IPO11: variants seen among roughly 807,000 people sequenced by gnomAD.
The protein encoded by IPO11 is importin 11.
IPO11 carries 66 observed loss-of-function variants against 143.2 expected under a neutral mutation model. The observed-to-expected ratio is 0.46, with a 90% CI of 0.38 to 0.57. The LOEUF (loss-of-function observed/expected upper bound fraction) is 0.57, where lower values mean the gene tolerates loss of function less well. IPO11 is among the 20% of genes least tolerant of loss of function. The probability of loss-of-function intolerance (pLI) is 0.00; values close to 1 mark genes in which losing one functional copy is unlikely to be tolerated. For missense variants in IPO11, 1,026 were observed against 1,141.0 expected (o/e 0.90, Z 1.45); for synonymous variants, 385 against 377.8 (o/e 1.02, Z -0.22).
intron 5 of IPO11, among the ~76,000 whole-genome samples, chr5:62,459,317 A>G (rs554874147): frequency 9.6e-4 from 146 of 152,268 alleles, no homozygotes; most frequent in African/African-American, 3.5e-3. Flanking sequence ...CATGTAAGTA[A>G]CAAATGCTAT....
intron 16 of IPO11, among the ~76,000 whole-genome samples, chr5:62,495,907 A>C (rs927171399): frequency 2.0e-5 from 3 of 152,224 alleles, no homozygotes; most frequent in Non-Finnish European, 4.4e-5. Flanking sequence ...ACTGGAGAGA[A>C]AGGGATTCAT....
At chr5:62,604,674 C>T (rs998311890) in intron 29 of IPO11, among the ~76,000 whole-genome samples, 3 of 151,768 alleles carry the variant, frequency 2.0e-5, no homozygotes, top group African/African-American at 7.3e-5. Context: ...TTTAAGTGGC[C>T]GATTTTAAGT....
rs570795129 is a variant in IPO11 at position 62,415,962 on chromosome 5, A to G, written c.-7+3033A>G. On this transcript the variant is annotated intron_variant, in intron 1 of 29. Transcript: ENST00000325324. ...CCTTCATGTGTTTGCTAGGGCCGCC[A>G]CAACAAAATACCTTATATTGGGTAG... 9.2e-5 allele frequency among the ~76,000 whole-genome samples: 14 copies of G among 152,226 alleles called. No individual in the cohort carries two copies. The Middle Eastern group carries it at 0.01, about 111-fold the overall frequency.
rs183071814 is a variant in IPO11, at chr5:62,477,412, T to C, written c.828+659T>C. Among the ~76,000 whole-genome samples, 5 of 152,250 alleles carry C rather than the reference T, an allele frequency of 3.3e-5. No individual in the cohort carries two copies. The East Asian group carries it at 9.7e-4, about 29-fold the overall frequency. On this transcript the variant is annotated intron_variant, in intron 9 of 29. Transcript: ENST00000325324. ...TAAAGATTCAATAATAGGGTAGGGG[T>C]TGCTTATTCCCTGGGAGGGGAGTAA...
rs138722983 is a variant in IPO11 at position 62,555,479 on chromosome 5, ATTATTTAT to A, written c.2460+4178_2460+4185del. On this transcript the variant is annotated intron_variant, in intron 26 of 29. Transcript: ENST00000325324. ...AGATGCGTGCCACCACACCTGGCTA[ATTATTTAT>A]TTATTTATTTATTTATTTATTTATT... 5.6e-3 allele frequency among the ~76,000 whole-genome samples: 767 copies of A among 137,244 alleles called. 7 individuals are homozygous for A. The highest frequency in any genetic ancestry group is 7.4e-3 in the Non-Finnish European group (477 of 64,358). 90.0% of individuals were successfully genotyped at this position (137,244 alleles called of 152,430 possible). A position where few individuals can be genotyped will look rare whatever the true frequency, so the allele number is the denominator to read the frequency against.
At chr5:62,540,306 A>G (rs537786221) in intron 24 of IPO11, among the ~76,000 whole-genome samples, 118 of 152,278 alleles carry the variant, frequency 7.7e-4, no homozygotes, top group Admixed American at 2.3e-3. Context: ...GAGTGATACT[A>G]AATGATTTTT....
At chr5:62,580,991 C>T in intron 27 of IPO11, 1 of 1,551,250 alleles carries the variant, frequency 6.4e-7, no homozygotes, top group Non-Finnish European at 8.7e-7. Context: ...CTAATTTGTA[C>T]ACAAGAAGTT....
Position 62,515,426 on chromosome 5 carries a change from C to G in IPO11, c.1821C>G (p.Pro607=), listed in dbSNP as rs137860626. 1.8e-4 allele frequency: 295 copies of G among 1,610,498 alleles called. No homozygotes were observed. The highest frequency in any genetic ancestry group is 2.4e-4 in the Non-Finnish European group (280 of 1,178,802). ...PYVGCLVQYL[P]LLWKQSEEHN... ...TGGGATGTTTGGTACAATATTTGCC[C>G]CTCCTTTGGAAGCAGAGTGAAGAAC... Residue 607 remains proline, a synonymous_variant, in exon 20 of 30, where the codon CCC becomes CCG. Transcript: ENST00000325324.
intron 20 of IPO11, among the ~76,000 whole-genome samples, chr5:62,518,776 C>T (rs1006455207): frequency 2.0e-5 from 3 of 152,044 alleles, no homozygotes; most frequent in African/African-American, 7.2e-5. Flanking sequence ...AGAGGGTGGT[C>T]ACTGGGTGAA....
At chr5:62,534,533 G>A (rs1368886930) in intron 22 of IPO11, among the ~76,000 whole-genome samples, 1 of 152,108 alleles carries the variant, frequency 6.6e-6, no homozygotes, top group Non-Finnish European at 1.5e-5. Context: ...CTAAAGATAT[G>A]AATCATATAT....
At chr5:62,510,649 TG>T (rs1741713984) in intron 19 of IPO11, among the ~76,000 whole-genome samples, 1 of 152,212 alleles carries the variant, frequency 6.6e-6, no homozygotes, top group African/African-American at 2.4e-5. Context: ...GGAATATGTT[TG>T]GCTCTCATGT....
intron 3 of IPO11, 50 bp from the exon 4 acceptor site, chr5:62,449,874 TTTA>T (rs1744848522): frequency 1.8e-5 from 21 of 1,149,410 alleles, no homozygotes; most frequent in Non-Finnish European, 2.6e-5. Flanking sequence ...CTTACCTACA[TTTA>T]TTATTAGGTG....
chr5:62,462,717 A>G (rs1248390116), intron 5 of IPO11, among the ~76,000 whole-genome samples: 2 of 152,032 alleles, frequency 1.3e-5, no homozygotes, highest in African/African-American at 2.4e-5. Flanking sequence ...CTTCAGAAAA[A>G]TCTGACACAA....
At chr5:62,582,250 A>T (rs901665015) in intron 27 of IPO11, among the ~76,000 whole-genome samples, 3 of 152,226 alleles carry the variant, frequency 2.0e-5, no homozygotes, top group African/African-American at 7.2e-5. Context: ...ATCCAGGGGA[A>T]AGATGCTAGA....
At chr5:62,525,722 T>C (rs978034781) in intron 20 of IPO11, among the ~76,000 whole-genome samples, 1 of 152,224 alleles carries the variant, frequency 6.6e-6, no homozygotes, top group African/African-American at 2.4e-5. Context: ...TATTCTTGAA[T>C]CTGTTCCATA....
chr5:62,535,561 T>C (rs1742706844), intron 22 of IPO11, among the ~76,000 whole-genome samples: 1 of 152,180 alleles, frequency 6.6e-6, no homozygotes, highest in Non-Finnish European at 1.5e-5. Flanking sequence ...TTATGTCTTT[T>C]AGATTAGTAA....
At chr5:62,489,998 A>G in intron 14 of IPO11, 117 bp from the exon 15 acceptor site, 2 of 466,280 alleles carry the variant, frequency 4.3e-6, no homozygotes, top group Non-Finnish European at 7.6e-6. Flanking sequence ...TTTCTACTTA[A>G]ATAATTTCCC....
intron 28 of IPO11, among the ~76,000 whole-genome samples, chr5:62,596,280 A>AAAAAAAG (rs1258441457): frequency 1.3e-5 from 2 of 151,610 alleles, no homozygotes; most frequent in South Asian, 2.1e-4. Context: ...AAAAAAAAAA[A>AAAAAAAG]AAAGAATTTA....
intron 15 of IPO11, 95 bp downstream of exon 15, chr5:62,490,315 A>C: frequency 1.4e-6 from 1 of 719,726 alleles, no homozygotes; most frequent in Non-Finnish European, 2.1e-6. Context: ...TACAATTTAA[A>C]AAATGCAATC....
Sources: allele counts gnomAD v4.1 joint callset (sites outside exome capture counted in the v4.1 genomes callset), GRCh38; gene constraint gnomAD v4.1.1; transcripts MANE v1.5; gene names NCBI Gene and HGNC (gene_info 2026-07-23, HGNC 2026-07-21).